Variants in SPTBN4 observed in about 807,000 individuals in gnomAD.
SPTBN4 encodes spectrin beta chain, non-erythrocytic 4.
A neutral mutation model predicts 277.8 loss-of-function variants in SPTBN4; 96 were observed. The observed-to-expected ratio is 0.35, with a 90% CI of 0.29 to 0.41. The LOEUF is 0.41. SPTBN4 is among the 10% of genes least tolerant of loss of function. The probability of loss-of-function intolerance (pLI) is 1.00; values close to 1 mark genes in which losing one functional copy is unlikely to be tolerated. For synonymous variants in SPTBN4, 1,481 were observed against 1,580.3 expected, an observed-to-expected ratio of 0.94 and a Z score of 1.49; for missense variants, 3,006 against 3,595.7, an observed-to-expected ratio of 0.84 and a Z score of 4.19.
At position 40,503,047 on chromosome 19, in the gene SPTBN4, C is replaced by T; in HGVS notation, c.1362+114C>T. ...GGCAACAGGGAAGAGTTAGATTAGT[C>T]TCCTGGTGATAAATGAGGATGGGGA... On this transcript the variant is annotated intron_variant, in intron 11 of 35. Transcript: ENST00000598249. 3 of 1,334,314 alleles carry T rather than the reference C, an allele frequency of 2.2e-6. No homozygotes were observed. In the South Asian group the frequency reaches 4.3e-5, roughly 19 times the overall value. The allele number at this position is 1,334,314 out of a possible 1,614,324, so 82.7% of individuals were successfully genotyped here.
Position 40,519,872 on chromosome 19 carries a change from G to C in SPTBN4, c.3375G>C (p.Ala1125=), listed in dbSNP as rs2080505378. ...EGPLPNSLEE[A]DALLARHAAL... ...CCCTGCCCAACAGCCTAGAAGAGGC[G>C]GACGCGCTGCTGGCGCGCCACGCTG... Residue 1125 remains alanine (A), a synonymous_variant, in exon 16 of 36, where the codon GCG becomes GCC. Coordinates refer to ENST00000598249, the MANE Select transcript of SPTBN4 (RefSeq NM_020971.3). This position sits in a 1 kb window ranked among gnomAD's most constrained non-coding sequence, Gnocchi z 5.7. The C allele has an allele frequency of 6.7e-7, 1 of 1,499,526 alleles. No individual in the cohort carries two copies. Among genetic ancestry groups the C allele is most frequent in the African/African-American group, 1.4e-5 (1 of 69,514 alleles). The allele number at this position is 1,499,526 out of a possible 1,614,324, so 92.9% of individuals were successfully genotyped here.
At chr19:40,505,748 A>T (rs2080321101) in intron 12 of SPTBN4, among the ~76,000 whole-genome samples, 1 of 151,134 alleles carries the variant, frequency 6.6e-6, no homozygotes, top group African/African-American at 2.4e-5. Flanking sequence ...GGAAGGAAGG[A>T]AGGAAGAAAG....
Position 40,560,590 on chromosome 19 carries a change from G to A in SPTBN4, c.5915+187G>A. 2.7e-6 allele frequency: 4 copies of A among 1,459,578 alleles called. No homozygotes were observed. The highest frequency in any genetic ancestry group is 4.9e-5 in the East Asian group (2 of 40,540). The allele number at this position is 1,459,578 out of a possible 1,614,324, so 90.4% of individuals were successfully genotyped here. A position where few individuals can be genotyped will look rare whatever the true frequency, so the allele number is the denominator to read the frequency against. ...GACCCCTTTTTTAGGCCTGTCATTGGGGACTTCGGTCATGGGGCATCCTTC... is the reference window on the plus strand; with the variant it reads ...GACCCCTTTTTTAGGCCTGTCATTGAGGACTTCGGTCATGGGGCATCCTTC... On this transcript the variant is annotated intron_variant, in intron 27 of 35. Transcript: ENST00000598249. This position sits in a 1 kb window ranked among gnomAD's most constrained non-coding sequence, Gnocchi z 5.2.
rs2080492584 is a variant in SPTBN4, at chr19:40,519,070, T to C, written c.2904-331T>C. ...AGATGGCAGCTGGGCTTCTCTTAAA[T>C]CAGAGTCGGCTTCTGCTCTCAGTCT... On this transcript the variant is annotated intron_variant, in intron 15 of 35. Transcript: ENST00000598249. The surrounding 1 kb of genome is among the most constrained non-coding windows in gnomAD (Gnocchi z 5.7). Among the ~76,000 whole-genome samples the C allele has an allele frequency of 6.6e-6, 1 of 152,224 alleles. No homozygotes were observed. The highest frequency in any genetic ancestry group is 6.5e-5 in the Admixed American group (1 of 15,276).
intron 13 of SPTBN4, 150 bp downstream of exon 13, chr19:40,506,536 A>T: frequency 8.0e-7 from 1 of 1,257,348 alleles, no homozygotes; most frequent in Non-Finnish European, 1.1e-6. Context: ...TCCACTGGGG[A>T]AGTCATAGGG....
chr19:40,520,604 G>T (rs2080516182), intron 16 of SPTBN4, among the ~76,000 whole-genome samples: 2 of 152,224 alleles, frequency 1.3e-5, no homozygotes, highest in South Asian at 4.1e-4. Flanking sequence ...ATTGGAGTCA[G>T]TCAGTGATTG....
At chr19:40,566,708 T>C (rs1310936628) in intron 30 of SPTBN4, among the ~76,000 whole-genome samples, 1 of 152,178 alleles carries the variant, frequency 6.6e-6, no homozygotes, top group Non-Finnish European at 1.5e-5. Flanking sequence ...CTCATGCCTG[T>C]AGTCCCAGCA....
At chr19:40,479,342 C>T (rs1017628250) in intron 2 of SPTBN4, among the ~76,000 whole-genome samples, 1 of 152,136 alleles carries the variant, frequency 6.6e-6, no homozygotes, top group African/African-American at 2.4e-5. Flanking sequence ...TCAGTGTGTT[C>T]TCCTACTCAC....
At chr19:40,563,407 G>A (rs2081062208) in intron 27 of SPTBN4, among the ~76,000 whole-genome samples, 1 of 151,842 alleles carries the variant, frequency 6.6e-6, no homozygotes, top group Non-Finnish European at 1.5e-5. Flanking sequence ...GCTTAGAATG[G>A]TGCTGTCCAA....
chr19:40,536,854 C>T (rs971764045), intron 20 of SPTBN4, among the ~76,000 whole-genome samples: 5 of 152,214 alleles, frequency 3.3e-5, no homozygotes, highest in East Asian at 1.9e-4. Flanking sequence ...GGTGCAATCA[C>T]GGCTCACTGC....
chr19:40,500,367 A>T (rs2080250704), intron 7 of SPTBN4, among the ~76,000 whole-genome samples: 1 of 152,250 alleles, frequency 6.6e-6, no homozygotes, highest in African/African-American at 2.4e-5. Context: ...TTCTAAGGAC[A>T]TGCAGTGAGT....
intron 35 of SPTBN4, chr19:40,572,718 G>T: frequency 4.0e-6 from 1 of 250,278 alleles, no homozygotes; most frequent in South Asian, 6.1e-5. Flanking sequence ...CAGTACTTTG[G>T]GAGGCCAAGA....
At chr19:40,530,684 G>C in intron 18 of SPTBN4, 1 of 620,006 alleles carries the variant, frequency 1.6e-6, no homozygotes, top group Non-Finnish European at 2.0e-6. Context: ...TCGTGGCCGC[G>C]GGAGGGAGGG....
At position 40,575,391 on chromosome 19, in the gene SPTBN4, T is replaced by G; in HGVS notation, c.7537-20T>G. On this transcript the variant is annotated intron_variant, in intron 35 of 35. Transcript: ENST00000598249. ...TTCTCTCTTCCAAATACGGCCTCTG[T>G]GCCCTGTTTCTTCCCCCAGGAGGAG... 2 of 1,610,062 alleles carry G rather than the reference T, an allele frequency of 1.2e-6. No individual in the cohort carries two copies.
intron 13 of SPTBN4, 99 bp downstream of exon 13, chr19:40,506,485 C>A: frequency 6.8e-7 from 1 of 1,460,846 alleles, no homozygotes; most frequent in Non-Finnish European, 9.1e-7. Context: ...AGAGTGAGCT[C>A]CTTGTCCTTG....
intron 22 of SPTBN4, 82 bp downstream of exon 22, chr19:40,550,409 C>A: frequency 1.5e-6 from 2 of 1,305,274 alleles, no homozygotes; most frequent in Non-Finnish European, 2.2e-6. Context: ...AAAGCCAAAA[C>A]AATGAATGTA....
At chr19:40,552,403 C>T (rs2080927903) in intron 22 of SPTBN4, among the ~76,000 whole-genome samples, 1 of 140,000 alleles carries the variant, frequency 7.1e-6, no homozygotes, top group African/African-American at 2.7e-5. Context: ...TGCAGTGAGC[C>T]AAGATTGCAC....
chr19:40,560,029 G>A lies in SPTBN4; in HGVS notation c.5671-130G>A, dbSNP rs913541345. The A allele has an allele frequency of 7.0e-7, 1 of 1,431,508 alleles. No homozygotes were observed. The highest frequency in any genetic ancestry group is 9.1e-7 in the Non-Finnish European group (1 of 1,096,634). 88.7% of individuals were successfully genotyped at this position (1,431,508 alleles called of 1,614,324 possible). A position where few individuals can be genotyped will look rare whatever the true frequency, so the allele number is the denominator to read the frequency against. ...GAGAAATCAGGCAGCAGATATGACAGGAGCCTGGCTGTGGGATCACAGTGT... is the reference window on the plus strand; with the variant it reads ...GAGAAATCAGGCAGCAGATATGACAAGAGCCTGGCTGTGGGATCACAGTGT... On this transcript the variant is annotated intron_variant, in intron 26 of 35. Transcript: ENST00000598249. This position sits in a 1 kb window ranked among gnomAD's most constrained non-coding sequence, Gnocchi z 5.2.
At chr19:40,543,678 G>A (rs2080423112) in intron 20 of SPTBN4, among the ~76,000 whole-genome samples, 1 of 151,962 alleles carries the variant, frequency 6.6e-6, no homozygotes, top group Non-Finnish European at 1.5e-5. Context: ...AATTACAAGG[G>A]TAATATATGA....
Sources: gnomAD v4.1 joint callset for allele counts (sites outside exome capture counted in the v4.1 genomes callset) on GRCh38, gnomAD v4.1.1 for gene constraint, Gnocchi (gnomAD v3.1) non-coding constraint, MANE v1.5 for transcripts, NCBI Gene and HGNC (gene_info 2026-07-23, HGNC 2026-07-21) for gene names.